Variants in NRXN2 observed in about 807,000 individuals in gnomAD.
NRXN2 encodes the protein neurexin 2.
NRXN2 carries 29 observed loss-of-function variants against 128.8 expected under a neutral mutation model. The observed-to-expected ratio is 0.23, with a 90% CI of 0.17 to 0.31. The LOEUF is 0.31. NRXN2 is among the 10% of genes least tolerant of loss of function. NRXN2 has a pLI of 1.00. For synonymous variants in NRXN2, 1,098 were observed against 1,075.2 expected (o/e 1.02, Z -0.41); for missense variants, 1,881 against 2,452.6 (o/e 0.77, Z 4.92).
intron 11 of NRXN2, among the ~76,000 whole-genome samples, chr11:64,656,821 T>C (rs1052327046): frequency 2.6e-5 from 4 of 152,170 alleles, no homozygotes; most frequent in African/African-American, 9.7e-5. Flanking sequence ...TGCTCAGTGT[T>C]TGCAAACATA....
chr11:64,673,075 C>T (rs894921595), intron 7 of NRXN2, among the ~76,000 whole-genome samples: 1 of 152,196 alleles, frequency 6.6e-6, no homozygotes, highest in African/African-American at 2.4e-5. Flanking sequence ...TGAAGTGAAA[C>T]TCCTCGATAT....
intron 7 of NRXN2, among the ~76,000 whole-genome samples, chr11:64,670,301 T>C (rs1232090081): frequency 6.6e-6 from 1 of 152,084 alleles, no homozygotes; most frequent in African/African-American, 2.4e-5. Flanking sequence ...TTATCGTTTA[T>C]TTCTTCTTCC....
chr11:64,712,314 A>C (rs1258421088), intron 2 of NRXN2, among the ~76,000 whole-genome samples: 3 of 146,276 alleles, frequency 2.1e-5, no homozygotes, highest in Non-Finnish European at 4.5e-5. Context: ...GGCCTTCCAC[A>C]CAGGCCCTAC....
chr11:64,661,485 T>C, intron 9 of NRXN2: 1 of 954,430 alleles, frequency 1.0e-6, no homozygotes, highest in Non-Finnish European at 1.4e-6. Flanking sequence ...GTTGGATCAT[T>C]CACTGGGTCA....
At chr11:64,681,949 T>C (rs557139923) in intron 6 of NRXN2, among the ~76,000 whole-genome samples, 1 of 152,126 alleles carries the variant, frequency 6.6e-6, no homozygotes, top group South Asian at 2.1e-4. Flanking sequence ...GACTCCATCC[T>C]TAGGGGAATG....
intron 7 of NRXN2, among the ~76,000 whole-genome samples, chr11:64,669,420 G>C (rs79188232): frequency 6.6e-6 from 1 of 152,256 alleles, no homozygotes; most frequent in East Asian, 1.9e-4. Context: ...GACACCACTA[G>C]AGTTACTCCA....
intron 2 of NRXN2, 38 bp downstream of exon 2, chr11:64,712,932 C>A: frequency 1.3e-6 from 2 of 1,486,782 alleles, no homozygotes; most frequent in Non-Finnish European, 1.8e-6. Context: ...CCCTCACCCC[C>A]GCGCCCAGGC....
At chr11:64,642,833 C>T in intron 17 of NRXN2, 1 of 1,093,198 alleles carries the variant, frequency 9.1e-7, no homozygotes, top group East Asian at 6.1e-5. Flanking sequence ...CCTCACAGCC[C>T]CATGGCCGGG....
rs1177506434 is a variant in NRXN2, at chr11:64,667,823, G to A, written c.1360-135C>T. 2.7e-5 allele frequency: 21 copies of A among 781,114 alleles called. No individual in the cohort carries two copies. Among genetic ancestry groups the A allele is most frequent in the South Asian group, 5.8e-5 (4 of 68,576 alleles). The allele number at this position is 781,114 out of a possible 1,614,324, so 48.4% of individuals were successfully genotyped here. Reference sequence around the variant, plus strand: ...CCTGCTCAGTTCCACCAGACCACCCGCTTAGGCCTCTGTTCTACAGCTTCA... The same window carrying A: ...CCTGCTCAGTTCCACCAGACCACCCACTTAGGCCTCTGTTCTACAGCTTCA... On this transcript the variant is annotated intron_variant, in intron 8 of 22. Coordinates refer to ENST00000265459, the MANE Select transcript of NRXN2 (RefSeq NM_015080.4). This position sits in a 1 kb window ranked among gnomAD's most constrained non-coding sequence, Gnocchi z 5.6.
In NRXN2 at chr11:64,630,286, G is replaced by T. The variant is rs1208317084; in HGVS notation, c.3757+116C>A. The T allele has an allele frequency of 4.1e-6, 4 of 976,896 alleles. No individual in the cohort carries two copies. Among genetic ancestry groups the T allele is most frequent in the Non-Finnish European group, 5.8e-6 (4 of 684,994 alleles). The allele number at this position is 976,896 out of a possible 1,614,324, so 60.5% of individuals were successfully genotyped here. A position where few individuals can be genotyped will look rare whatever the true frequency, so the allele number is the denominator to read the frequency against. ...TCGTCTCTCCAGTAGCCCCGCCCCA[G>T]AGCCGCTTAGCCCCGCCCCAGAGCC... On this transcript the variant is annotated intron_variant, in intron 19 of 22. Transcript: ENST00000265459. The surrounding 1 kb of genome is among the most constrained non-coding windows in gnomAD (Gnocchi z 4.6).
At chr11:64,645,908 C>T (rs1174857191) in intron 17 of NRXN2, among the ~76,000 whole-genome samples, 4 of 152,140 alleles carry the variant, frequency 2.6e-5, no homozygotes, top group Non-Finnish European at 5.9e-5. Context: ...GGGCCTCCCA[C>T]GGGTGAAGGC....
At chr11:64,658,984 A>G (rs1016605417) in intron 11 of NRXN2, among the ~76,000 whole-genome samples, 2 of 152,260 alleles carry the variant, frequency 1.3e-5, no homozygotes, top group Non-Finnish European at 2.9e-5. Flanking sequence ...AGATCACGCC[A>G]CTGCACTCCC....
chr11:64,622,754 TG>T lies in NRXN2; in HGVS notation c.4171del (p.Gln1391ArgfsTer31). The T allele has an allele frequency of 6.2e-7, 1 of 1,606,686 alleles. No individual in the cohort carries two copies. On this transcript the variant is annotated frameshift_variant and splice_region_variant, in exon 21 of 23. Coordinates refer to ENST00000265459, the MANE Select transcript of NRXN2 (RefSeq NM_015080.4). LOFTEE classifies it high-confidence loss of function. This position sits in a 1 kb window ranked among gnomAD's most constrained non-coding sequence, Gnocchi z 4.3. The stretch of plus-strand genomic sequence containing the variant: ...CCACCAGCCAGAGTGGGGCCTCACC[TG>T]GGTGGTGCTGTCCCTCAGTGTGGGG... Reference protein sequence around the residue: ...RSPTLRDSTTQNTDDLLVASA... With the variant: ...RSPTLRDSTTXNTDDLLVASA...
At chr11:64,710,708 G>A (rs1399773798) in intron 2 of NRXN2, among the ~76,000 whole-genome samples, 2 of 152,176 alleles carry the variant, frequency 1.3e-5, no homozygotes, top group Non-Finnish European at 2.9e-5. Context: ...GAGTCCTCAT[G>A]CAATCCGGCT....
At chr11:64,641,674 G>T (rs989976069) in intron 17 of NRXN2, among the ~76,000 whole-genome samples, 9 of 151,978 alleles carry the variant, frequency 5.9e-5, no homozygotes, top group African/African-American at 1.9e-4. Context: ...AGAAGGTGAT[G>T]GGGTCTGAGA....
Position 64,611,821 on chromosome 11 carries a change from C to T in NRXN2, c.4253-3739G>A, listed in dbSNP as rs186848150. 6.7e-3 allele frequency among the ~76,000 whole-genome samples: 1,016 copies of T among 152,274 alleles called. 10 individuals are homozygous for T. The highest frequency in any genetic ancestry group is 9.7e-3 in the Non-Finnish European group (662 of 68,010). ...AGCCCTGTCCCCTGCATCTGCAGCT[C>T]CTCTGGGGCTTCCCTGGGCCCTTCT... On this transcript the variant is annotated intron_variant, in intron 22 of 22. Coordinates refer to ENST00000265459, the MANE Select transcript of NRXN2 (RefSeq NM_015080.4).
chr11:64,669,893 A>G (rs532840336), intron 7 of NRXN2, among the ~76,000 whole-genome samples: 13 of 152,194 alleles, frequency 8.5e-5, no homozygotes, highest in Admixed American at 8.5e-4. Flanking sequence ...AGCTCACCCC[A>G]TTTCTCTTTC....
chr11:64,701,773 A>T (rs1254220110), intron 2 of NRXN2, among the ~76,000 whole-genome samples: 2 of 149,678 alleles, frequency 1.3e-5, no homozygotes, highest in African/African-American at 2.5e-5. Flanking sequence ...CCGGGGGGGA[A>T]GTGGGGGGAT....
Position 64,660,613 on chromosome 11 carries a change from CA to C in NRXN2, c.2186-79del. ...GAGGGAGAAGACCAGAGAATCATTA[CA>C]AGGGCGAAAAGCCTAGGGCAGGTCT... On this transcript the variant is annotated intron_variant, in intron 10 of 22. Coordinates refer to ENST00000265459, the MANE Select transcript of NRXN2 (RefSeq NM_015080.4). This position sits in a 1 kb window ranked among gnomAD's most constrained non-coding sequence, Gnocchi z 5.2. 6.3e-7 allele frequency: 1 copy of C among 1,593,926 alleles called. No individual in the cohort carries two copies. The highest frequency in any genetic ancestry group is 8.6e-7 in the Non-Finnish European group (1 of 1,167,272).
Sources: allele counts gnomAD v4.1 joint callset (sites outside exome capture counted in the v4.1 genomes callset), GRCh38; gene constraint gnomAD v4.1.1; non-coding constraint Gnocchi (gnomAD v3.1); transcripts MANE v1.5; gene names NCBI Gene and HGNC (gene_info 2026-07-23, HGNC 2026-07-21).